FOXN3: variants seen among roughly 807,000 people sequenced by gnomAD.
FOXN3 encodes the protein forkhead box N3, also known as forkhead box protein N3.
Under a neutral mutation model 38.4 loss-of-function variants are expected in FOXN3, and 7 were observed. The observed-to-expected ratio is 0.18, with a 90% CI of 0.10 to 0.34. The LOEUF is 0.34. FOXN3 is among the 10% of genes least tolerant of loss of function. The pLI is 1.00. For synonymous variants in FOXN3, 230 were observed against 242.2 expected, an observed-to-expected ratio of 0.95 and a Z score of 0.47; for missense variants, 456 against 613.4, an observed-to-expected ratio of 0.74 and a Z score of 2.71.
intron 1 of FOXN3, among the ~76,000 whole-genome samples, chr14:89,427,525 G>A (rs1305865887): frequency 6.8e-6 from 1 of 147,158 alleles, no homozygotes; most frequent in Non-Finnish European, 1.5e-5. Flanking sequence ...CACCATCTTG[G>A]CCAGGCTGGT....
At chr14:89,562,810 C>T (rs1178910562) in intron 1 of FOXN3, among the ~76,000 whole-genome samples, 6 of 152,326 alleles carry the variant, frequency 3.9e-5, no homozygotes, top group South Asian at 2.1e-4. Flanking sequence ...ATTTGTGCCA[C>T]TTTTGAATGA....
At chr14:89,611,505 CAAAT>C (rs1475068529) in intron 1 of FOXN3, among the ~76,000 whole-genome samples, 2 of 152,070 alleles carry the variant, frequency 1.3e-5, no homozygotes, top group East Asian at 3.9e-4. Flanking sequence ...AAGGTGAAGA[CAAAT>C]AAAGAAAAAT....
At chr14:89,292,324 C>G (rs530536335) in intron 3 of FOXN3, among the ~76,000 whole-genome samples, 1 of 152,266 alleles carries the variant, frequency 6.6e-6, no homozygotes, top group African/African-American at 2.4e-5. Context: ...ATTATTCTTT[C>G]CTGCACTCAC....
intron 1 of FOXN3, among the ~76,000 whole-genome samples, chr14:89,505,345 C>T (rs895291820): frequency 2.0e-5 from 3 of 149,548 alleles, no homozygotes; most frequent in African/African-American, 7.4e-5. Flanking sequence ...GACTGTGCTG[C>T]TGCCATCTCG....
intron 1 of FOXN3, among the ~76,000 whole-genome samples, chr14:89,511,374 GC>G (rs1240898571): frequency 6.7e-6 from 1 of 149,504 alleles, no homozygotes; most frequent in Non-Finnish European, 1.5e-5. Context: ...GCTCACTGCA[GC>G]CTCAACCTCT....
intron 3 of FOXN3, among the ~76,000 whole-genome samples, chr14:89,323,704 A>C (rs1370377269): frequency 7.1e-6 from 1 of 140,664 alleles, no homozygotes; most frequent in East Asian, 2.1e-4. Flanking sequence ...GGGCAACAGA[A>C]TGAGACTCCA....
intron 4 of FOXN3, among the ~76,000 whole-genome samples, chr14:89,261,222 T>G (rs1422746741): frequency 6.6e-6 from 1 of 152,258 alleles, no homozygotes; most frequent in East Asian, 1.9e-4. Flanking sequence ...AGCTTTGAGG[T>G]GTGGAGTGAT....
At chr14:89,333,871 C>T (rs892262036) in intron 3 of FOXN3, among the ~76,000 whole-genome samples, 2 of 150,144 alleles carry the variant, frequency 1.3e-5, no homozygotes, top group Non-Finnish European at 3.0e-5. Flanking sequence ...CTGCATGGCA[C>T]TCTCAATTTC....
chr14:89,373,071 T>C (rs1890369205), intron 2 of FOXN3, among the ~76,000 whole-genome samples: 2 of 151,912 alleles, frequency 1.3e-5, no homozygotes, highest in African/African-American at 4.8e-5. Flanking sequence ...GAGACTGAAG[T>C]GGGATGATCA....
chr14:89,405,179 C>G (rs1376197240), intron 2 of FOXN3, among the ~76,000 whole-genome samples: 1 of 152,108 alleles, frequency 6.6e-6, no homozygotes, highest in Non-Finnish European at 1.5e-5. Flanking sequence ...CTCTGTCGCT[C>G]AGGCTGGAGT....
At chr14:89,360,241 C>T (rs75168598) in intron 2 of FOXN3, among the ~76,000 whole-genome samples, 4,013 of 151,512 alleles carry the variant, frequency 0.026, 135 homozygotes, top group African/African-American at 0.087. Flanking sequence ...GGCCCAGCTG[C>T]CCCTAAAGGA....
chr14:89,403,642 G>C (rs1417006729), intron 2 of FOXN3, among the ~76,000 whole-genome samples: 1 of 152,262 alleles, frequency 6.6e-6, no homozygotes, highest in Non-Finnish European at 1.5e-5. Flanking sequence ...CTTGCTGGTT[G>C]GATATACAGG....
intron 3 of FOXN3, among the ~76,000 whole-genome samples, chr14:89,282,034 G>T (rs1886480659): frequency 6.6e-6 from 1 of 152,056 alleles, no homozygotes; most frequent in Non-Finnish European, 1.5e-5. Flanking sequence ...TTAAACCAGG[G>T]TCTCTAGTTA....
intron 1 of FOXN3, among the ~76,000 whole-genome samples, chr14:89,435,818 T>C (rs1203106371): frequency 6.6e-6 from 1 of 152,112 alleles, no homozygotes; most frequent in African/African-American, 2.4e-5. Flanking sequence ...GACACCAGCC[T>C]TACAGCAAAG....
At chr14:89,513,150 GAAAA>G (rs36003791) in intron 1 of FOXN3, among the ~76,000 whole-genome samples, 1 of 102,076 alleles carries the variant, frequency 9.8e-6, no homozygotes. Context: ...TCCATCTCAG[GAAAA>G]AAAAAAAAAA....
intron 1 of FOXN3, among the ~76,000 whole-genome samples, chr14:89,615,691 T>C (rs1012589193): frequency 6.6e-6 from 1 of 152,234 alleles, no homozygotes; most frequent in South Asian, 2.1e-4. Context: ...CAGGAAATCC[T>C]TGCTAAAAGA....
intron 1 of FOXN3, among the ~76,000 whole-genome samples, chr14:89,549,234 A>G (rs1894950239): frequency 1.3e-5 from 2 of 151,652 alleles, no homozygotes. Flanking sequence ...TTATGAAACT[A>G]TAGTGATAAC....
At chr14:89,371,340 C>G (rs771051283) in intron 2 of FOXN3, among the ~76,000 whole-genome samples, 23 of 152,110 alleles carry the variant, frequency 1.5e-4, no homozygotes, top group Non-Finnish European at 3.1e-4. Context: ...TAAAGACTAT[C>G]AGAATACAAC....
chr14:89,483,052 C>T (rs1893372301), intron 1 of FOXN3, among the ~76,000 whole-genome samples: 1 of 152,056 alleles, frequency 6.6e-6, no homozygotes. Context: ...TACAAAAATA[C>T]AAAAATTAGC....
Sources: gnomAD v4.1 joint callset for allele counts (sites outside exome capture counted in the v4.1 genomes callset) on GRCh38, gnomAD v4.1.1 for gene constraint, MANE v1.5 for transcripts, NCBI Gene and HGNC (gene_info 2026-07-23, HGNC 2026-07-21) for gene names.